The following TULP4 variants were observed in gnomAD, a reference collection of about 807,000 sequenced individuals.
TULP4 encodes the protein TUB like protein 4.
Under a neutral mutation model 129.0 loss-of-function variants are expected in TULP4, and 16 were observed. The ratio of observed to expected loss-of-function variants is 0.12; its 90% CI spans 0.08 to 0.19. The LOEUF (loss-of-function observed/expected upper bound fraction) is 0.19. Among genes scored for constraint, TULP4 ranks in the 10% least tolerant of loss-of-function variants. TULP4 has a pLI of 1.00. For synonymous variants in TULP4, 998 were observed against 854.0 expected, an observed-to-expected ratio of 1.17 and a Z score of -2.94; for missense variants, 1,842 against 2,059.1, an observed-to-expected ratio of 0.89 and a Z score of 2.04.
At chr6:158,310,132 C>T (rs1206125753), upstream of TULP4, among the ~76,000 whole-genome samples, 2 of 152,142 alleles carry the variant, frequency 1.3e-5, no homozygotes, top group East Asian at 3.9e-4. Flanking sequence ...ATACCTGAGA[C>T]TGGGTAATTT....
chr6:158,330,937 T>G (rs1257010924), intron 1 of TULP4, among the ~76,000 whole-genome samples: 1 of 152,170 alleles, frequency 6.6e-6, no homozygotes, highest in East Asian at 1.9e-4. Flanking sequence ...TAAATTTAGA[T>G]TAATCATCCC....
At chr6:158,364,590 G>GTTATTCA (rs1780880886) in intron 1 of TULP4, among the ~76,000 whole-genome samples, 1 of 152,100 alleles carries the variant, frequency 6.6e-6, no homozygotes, top group South Asian at 2.1e-4. Context: ...ATTGCCTTCT[G>GTTATTCA]TTATTCATTG....
At chr6:158,354,655 G>A (rs1683292059) in intron 1 of TULP4, among the ~76,000 whole-genome samples, 1 of 152,154 alleles carries the variant, frequency 6.6e-6, no homozygotes, top group African/African-American at 2.4e-5. Flanking sequence ...CACTTTAGGA[G>A]GCCAAGGCGG....
intron 3 of TULP4, among the ~76,000 whole-genome samples, chr6:158,441,814 C>A (rs1778904874): frequency 6.6e-6 from 1 of 152,198 alleles, no homozygotes. Flanking sequence ...CCGTTTCTAA[C>A]AACTCAAGGC....
upstream of TULP4, among the ~76,000 whole-genome samples, chr6:158,309,950 A>G (rs1173529602): frequency 9.1e-6 from 1 of 109,946 alleles, no homozygotes; most frequent in Non-Finnish European, 1.9e-5. Flanking sequence ...GAGGGAGCTC[A>G]GTTTTTATTT....
At chr6:158,490,560 A>T (rs967870427) in intron 9 of TULP4, among the ~76,000 whole-genome samples, 9 of 152,212 alleles carry the variant, frequency 5.9e-5, no homozygotes, top group African/African-American at 2.2e-4. Context: ...ATACAGATAC[A>T]CATCTGTCCA....
chr6:158,427,108 C>A (rs1182227901), intron 2 of TULP4, among the ~76,000 whole-genome samples: 1 of 152,062 alleles, frequency 6.6e-6, no homozygotes. Context: ...TTTGGATAGA[C>A]AAATTATGGT....
At position 158,503,388 on chromosome 6, in the gene TULP4, C is replaced by T. The variant is rs778813916; in HGVS notation, c.3725C>T (p.Pro1242Leu). The T allele has an allele frequency of 5.0e-6, 8 of 1,613,964 alleles. No individual in the cohort carries two copies. Among genetic ancestry groups the T allele is most frequent in the East Asian group, 4.5e-5 (2 of 44,868 alleles). ...PPSLSYCTLP[P>L]MYPGSSTCSS... ...AGCCTCTCCTATTGCACCCTGCCCC[C>T]CATGTACCCAGGAAGCAGCACGTGC... Residue 1242 changes from proline to leucine, a missense_variant, in exon 13 of 14, where the codon CCC becomes CTC. This residue lies in a region of TULP4 where 1,089 missense variants were observed against 987.1 expected (regional missense o/e 1.10). Transcript: ENST00000367097. The surrounding 1 kb of genome is among the most constrained non-coding windows in gnomAD (Gnocchi z 4.3).
rs1460774828 is a variant in TULP4, at chr6:158,238,151, T to C, written n.68+5848T>C. On this transcript the variant is annotated intron_variant and non_coding_transcript_variant, in intron 1 of 1. Transcript: ENST00000620026. Reference sequence around the variant, plus strand: ...GCTTTAACTCCTCTCTGCTTCTCAATATTAGACATGCTAAGAAATATTCTC... The same window carrying C: ...GCTTTAACTCCTCTCTGCTTCTCAACATTAGACATGCTAAGAAATATTCTC... 4 of 757,876 alleles carry C rather than the reference T, an allele frequency of 5.3e-6. No individual in the cohort carries two copies. The East Asian group carries it at 1.0e-4, about 19-fold the overall frequency. The allele number at this position is 757,876 out of a possible 1,614,324, so 46.9% of individuals were successfully genotyped here.
At chr6:158,437,258 C>T (rs341107) in intron 3 of TULP4, among the ~76,000 whole-genome samples, 36,498 of 152,152 alleles carry the variant, frequency 0.24, 5,621 homozygotes, top group Non-Finnish European at 0.34. Flanking sequence ...TCATTTATTT[C>T]AAATGGTTTA....
chr6:158,453,968 C>T (rs561275785), intron 5 of TULP4, among the ~76,000 whole-genome samples: 13 of 149,352 alleles, frequency 8.7e-5, no homozygotes, highest in Admixed American at 8.7e-4. Flanking sequence ...AAAAAAGAAT[C>T]AAGTCTATAT....
chr6:158,478,737 T>C (rs1201441947), intron 6 of TULP4, among the ~76,000 whole-genome samples: 1 of 152,234 alleles, frequency 6.6e-6, no homozygotes, highest in East Asian at 1.9e-4. Flanking sequence ...AATCTCTTGC[T>C]GCTTCTCCGT....
At chr6:158,274,286 C>T (rs1279160171) in intron 1 of TULP4, among the ~76,000 whole-genome samples, 1 of 151,566 alleles carries the variant, frequency 6.6e-6, no homozygotes, top group African/African-American at 2.4e-5. Context: ...CAAAACAAAA[C>T]ACCACACACA....
intron 2 of TULP4, among the ~76,000 whole-genome samples, chr6:158,417,466 A>G (rs530053052): frequency 1.3e-5 from 2 of 152,348 alleles, no homozygotes; most frequent in African/African-American, 4.8e-5. Context: ...AGTTTTGTTT[A>G]CTTTTGCCAT....
chr6:158,314,329 G>A, intron 1 of TULP4, 61 bp downstream of exon 1: 1 of 1,567,220 alleles, frequency 6.4e-7, no homozygotes, highest in Non-Finnish European at 8.6e-7. Flanking sequence ...AGCCCCTTGT[G>A]GACTTGAAAC....
intron 12 of TULP4, among the ~76,000 whole-genome samples, chr6:158,499,282 C>T (rs549593845): frequency 6.6e-6 from 1 of 152,290 alleles, no homozygotes; most frequent in East Asian, 1.9e-4. Flanking sequence ...TCAAATCTGC[C>T]GTGTCCAGGA....
intron 1 of TULP4, among the ~76,000 whole-genome samples, chr6:158,394,786 C>CAAAAAAAAAAAAAAA (rs71030166): frequency 8.7e-5 from 4 of 46,016 alleles, no homozygotes; most frequent in African/African-American, 3.2e-4. Context: ...GGCTCTGTCT[C>CAAAAAAAAAAAAAAA]AAAAAAAAAA....
intron 1 of TULP4, among the ~76,000 whole-genome samples, chr6:158,329,146 T>TA (rs1779818349): frequency 6.6e-6 from 1 of 152,234 alleles, no homozygotes; most frequent in African/African-American, 2.4e-5. Flanking sequence ...GTTTTTATTG[T>TA]ACCTTCTGGC....
At chr6:158,329,390 T>G (rs1583753795) in intron 1 of TULP4, among the ~76,000 whole-genome samples, 1 of 152,064 alleles carries the variant, frequency 6.6e-6, no homozygotes, top group Admixed American at 6.5e-5. Context: ...GATTTGTATG[T>G]TTTAGCTCTG....
Sources: allele counts gnomAD v4.1 joint callset (sites outside exome capture counted in the v4.1 genomes callset), GRCh38; gene constraint gnomAD v4.1.1; regional missense constraint gnomAD v4.1.1; non-coding constraint Gnocchi (gnomAD v3.1); transcripts MANE v1.5; gene names NCBI Gene and HGNC (gene_info 2026-07-23, HGNC 2026-07-21).